The following GRID2 variants were observed in gnomAD, a reference collection of about 807,000 sequenced individuals.
The protein encoded by GRID2 is glutamate ionotropic receptor delta type subunit 2.
GRID2 carries 33 observed loss-of-function variants against 114.8 expected under a neutral mutation model. The ratio of observed to expected loss-of-function variants is 0.29; its 90% CI spans 0.22 to 0.38. The LOEUF (loss-of-function observed/expected upper bound fraction) is 0.38, where lower values mean the gene tolerates loss of function less well. Ranked by LOEUF, GRID2 falls within the 10% of genes least tolerant of loss-of-function variation. The pLI, the probability that GRID2 is intolerant of heterozygous loss-of-function variation, is 1.00. For synonymous variants in GRID2, 505 were observed against 449.9 expected (o/e 1.12, Z -1.55); for missense variants, 1,184 against 1,257.7 (o/e 0.94, Z 0.89).
At chr4:92,838,028 C>T (rs146929475) in intron 2 of GRID2, among the ~76,000 whole-genome samples, 149 of 152,098 alleles carry the variant, frequency 9.8e-4, no homozygotes, top group Admixed American at 2.4e-3. Context: ...AATTATGAAC[C>T]TAAACTCATC....
At chr4:92,444,935 T>A (rs1404391742) in intron 1 of GRID2, among the ~76,000 whole-genome samples, 1 of 152,188 alleles carries the variant, frequency 6.6e-6, no homozygotes, top group Non-Finnish European at 1.5e-5. Context: ...TGAGAAATTA[T>A]TGGCTTAACA....
rs375773785 is a variant in GRID2, at chr4:93,272,044, A to G, written c.1245+33554A>G. 1.3e-4 allele frequency among the ~76,000 whole-genome samples: 20 copies of G among 152,320 alleles called. No homozygotes were observed. In the East Asian group the frequency reaches 3.9e-3, roughly 29 times the overall value. On this transcript the variant is annotated intron_variant, in intron 8 of 15. Coordinates refer to ENST00000282020, the MANE Select transcript of GRID2 (RefSeq NM_001510.4). ...TTGAAGTAGGTTTTAAGTTAGGACC[A>G]GAATCCAGATGACTATCTATAAATC... is the stretch of plus-strand genomic sequence containing the variant.
intron 4 of GRID2, among the ~76,000 whole-genome samples, chr4:93,139,766 T>TCA (rs1358763312): frequency 1.4e-5 from 2 of 144,422 alleles, no homozygotes; most frequent in African/African-American, 5.2e-5. Context: ...ACACACACAT[T>TCA]CACACACAGA....
chr4:92,304,681 G>C lies in GRID2; in HGVS notation c.25G>C (p.Val9Leu). ...GATGGAAGTTTTCCCCTTTCTCTTGGTTTTGTCCGTCTGGTGGTCTCGAAC... is the reference window on the plus strand; with the variant it reads ...GATGGAAGTTTTCCCCTTTCTCTTGCTTTTGTCCGTCTGGTGGTCTCGAAC... MEVFPFLL[V>L]LSVWWSRTWD... The change falls in exon 1 of 16, where the codon GTT (valine) becomes CTT (leucine). Residue 9 changes from valine to leucine, a missense_variant. Physicochemically the swap from Val to Leu is conservative, Grantham distance 32. Coordinates refer to ENST00000282020, the MANE Select transcript of GRID2 (RefSeq NM_001510.4). The C allele has an allele frequency of 6.2e-7, 1 of 1,613,366 alleles. No individual in the cohort carries two copies. Among genetic ancestry groups the C allele is most frequent in the Non-Finnish European group, 8.5e-7 (1 of 1,179,380 alleles).
At chr4:92,577,584 G>C (rs1727957322) in intron 1 of GRID2, among the ~76,000 whole-genome samples, 1 of 152,136 alleles carries the variant, frequency 6.6e-6, no homozygotes, top group Admixed American at 6.6e-5. Context: ...AAGAGTAACT[G>C]TTTGGCATTG....
chr4:92,325,985 T>G (rs1427416490), intron 1 of GRID2, among the ~76,000 whole-genome samples: 1 of 151,756 alleles, frequency 6.6e-6, no homozygotes, highest in Non-Finnish European at 1.5e-5. Context: ...AAGTTTGTTT[T>G]CTCCCATGTT....
chr4:92,997,879 T>C (rs1755297759), intron 2 of GRID2, among the ~76,000 whole-genome samples: 1 of 151,960 alleles, frequency 6.6e-6, no homozygotes, highest in Non-Finnish European at 1.5e-5. Flanking sequence ...TGGAAAAAAT[T>C]AAAAGAACAG....
downstream of GRID2, among the ~76,000 whole-genome samples, chr4:93,775,553 G>T (rs1734352672): frequency 6.6e-6 from 1 of 152,176 alleles, no homozygotes; most frequent in Non-Finnish European, 1.5e-5. Flanking sequence ...CAAAACTAAG[G>T]TCGGTTCCTG....
intron 12 of GRID2, among the ~76,000 whole-genome samples, chr4:93,506,832 G>T (rs915335810): frequency 6.6e-6 from 1 of 152,080 alleles, no homozygotes; most frequent in African/African-American, 2.4e-5. Flanking sequence ...ACCTCAGCTT[G>T]CTCTTCCAAA....
intron 13 of GRID2, among the ~76,000 whole-genome samples, chr4:93,593,749 C>T (rs1182519181): frequency 3.9e-5 from 6 of 152,114 alleles, no homozygotes; most frequent in Non-Finnish European, 7.4e-5. Flanking sequence ...AGGCTTTGCT[C>T]GTTTCTTTTT....
chr4:93,209,330 A>G (rs1245695469), intron 5 of GRID2, among the ~76,000 whole-genome samples: 1 of 152,016 alleles, frequency 6.6e-6, no homozygotes, highest in Non-Finnish European at 1.5e-5. Flanking sequence ...GCTCCCATTT[A>G]TAAGTGAGAA....
In GRID2 at chr4:93,499,829, C is replaced by T. The variant is rs186588391; in HGVS notation, c.1997+9052C>T. 3.7e-3 allele frequency among the ~76,000 whole-genome samples: 562 copies of T among 151,936 alleles called. 14 individuals are homozygous for T. The highest frequency in any genetic ancestry group is 9.9e-4 in the Non-Finnish European group (67 of 67,910). ...TGCATGGGTTTTCTCATTTAGTCTT[C>T]GTAATAGCCCCATGAGAGATATGTT... On this transcript the variant is annotated intron_variant, in intron 12 of 15. Coordinates refer to ENST00000282020, the MANE Select transcript of GRID2 (RefSeq NM_001510.4).
chr4:92,915,619 A>G (rs753504118), intron 2 of GRID2, among the ~76,000 whole-genome samples: 9 of 152,078 alleles, frequency 5.9e-5, no homozygotes, highest in Non-Finnish European at 1.2e-4. Context: ...TTCTGCTTTT[A>G]GATTTTTGAG....
chr4:92,886,678 CG>C (rs1402395530), intron 2 of GRID2, among the ~76,000 whole-genome samples: 1 of 152,038 alleles, frequency 6.6e-6, no homozygotes, highest in Admixed American at 6.5e-5. Context: ...CAGGCTGGAG[CG>C]CAGCGGAGCG....
intron 6 of GRID2, among the ~76,000 whole-genome samples, chr4:93,221,869 T>C (rs1744917650): frequency 6.6e-6 from 1 of 152,282 alleles, no homozygotes. Context: ...ATGCCTGTCA[T>C]GTAACAGGTA....
At chr4:93,634,700 G>A (rs995830066) in intron 14 of GRID2, among the ~76,000 whole-genome samples, 6 of 152,068 alleles carry the variant, frequency 3.9e-5, no homozygotes, top group East Asian at 1.9e-4. Flanking sequence ...TGAGGTGTTA[G>A]GTTAGCTTTT....
intron 1 of GRID2, among the ~76,000 whole-genome samples, chr4:92,457,968 A>C (rs1721299011): frequency 2.6e-5 from 4 of 152,212 alleles, no homozygotes; most frequent in Admixed American, 2.6e-4. Flanking sequence ...ACCTAGAATA[A>C]GTGAAGTTAT....
At chr4:92,459,813 GC>G (rs1306060000) in intron 1 of GRID2, among the ~76,000 whole-genome samples, 1 of 151,422 alleles carries the variant, frequency 6.6e-6, no homozygotes, top group Admixed American at 6.6e-5. Flanking sequence ...TTACAGTAAA[GC>G]AGATGACCCT....
chr4:92,528,453 G>A (rs1412605133), intron 1 of GRID2, among the ~76,000 whole-genome samples: 2 of 151,872 alleles, frequency 1.3e-5, no homozygotes, highest in East Asian at 1.9e-4. Flanking sequence ...GAACAATAAT[G>A]TTACAAAATA....
Sources: allele counts gnomAD v4.1 joint callset (sites outside exome capture counted in the v4.1 genomes callset), GRCh38; gene constraint gnomAD v4.1.1; transcripts MANE v1.5; gene names NCBI Gene and HGNC (gene_info 2026-07-23, HGNC 2026-07-21).